RAB10: variants seen among roughly 807,000 people sequenced by gnomAD.
The protein encoded by RAB10 is ras-related protein Rab-10.
Under a neutral mutation model 25.7 loss-of-function variants are expected in RAB10, and 5 were observed. The ratio of observed to expected loss-of-function variants is 0.19; its 90% confidence interval spans 0.10 to 0.41. The LOEUF (loss-of-function observed/expected upper bound fraction) is 0.41, where lower values mean the gene tolerates loss of function less well. Among genes scored for constraint, RAB10 ranks in the 10% least tolerant of loss-of-function variants. RAB10 has a pLI of 1.00. For synonymous variants in RAB10, 89 were observed against 86.4 expected (o/e 1.03, Z -0.16); for missense variants, 103 against 245.8 (o/e 0.42, Z 3.89).
chr2:26,095,449 T>C (rs1308663699), intron 1 of RAB10, among the ~76,000 whole-genome samples: 1 of 151,862 alleles, frequency 6.6e-6, no homozygotes, highest in Non-Finnish European at 1.5e-5. Flanking sequence ...CTACTAAAAA[T>C]ACAAAAAATT....
intron 1 of RAB10, among the ~76,000 whole-genome samples, chr2:26,041,053 A>G (rs56252472): frequency 0.025 from 3,773 of 150,524 alleles, 70 homozygotes; most frequent in Middle Eastern, 0.055. Context: ...TTTTTTTCTC[A>G]TGTGTGCTAA....
intron 5 of RAB10, among the ~76,000 whole-genome samples, chr2:26,128,699 A>G (rs1254136077): frequency 6.6e-6 from 1 of 152,210 alleles, no homozygotes; most frequent in East Asian, 1.9e-4. Flanking sequence ...AAGGGCGTGT[A>G]CATATTCTGT....
chr2:26,069,753 T>G (rs113651437), intron 1 of RAB10, among the ~76,000 whole-genome samples: 322 of 151,072 alleles, frequency 2.1e-3, no homozygotes, highest in African/African-American at 7.6e-3. Context: ...TTGCCCCGGC[T>G]GGAGAGCAGT....
At chr2:26,066,653 A>G (rs1004496775) in intron 1 of RAB10, among the ~76,000 whole-genome samples, 4 of 152,084 alleles carry the variant, frequency 2.6e-5, no homozygotes, top group Admixed American at 1.3e-4. Flanking sequence ...TGAGAACAGC[A>G]TGGAGGTAAC....
rs1264164625 is a variant in RAB10, at chr2:26,135,934, C to T, written c.*913C>T. On this transcript the variant is annotated 3_prime_UTR_variant, in exon 6 of 6. Transcript: ENST00000264710. ...TAAACGGAAAGATAAGTTCTAACTG[C>T]CTACTATCCAATGTCAGTTAATTGG... 1 of 152,620 alleles carries T rather than the reference C, an allele frequency of 6.6e-6. No individual in the cohort carries two copies. The highest frequency in any genetic ancestry group is 1.5e-5 in the Non-Finnish European group (1 of 68,050). 9.5% of individuals were successfully genotyped at this position (152,620 alleles called of 1,614,324 possible).
intron 3 of RAB10, among the ~76,000 whole-genome samples, chr2:26,122,327 A>G (rs548201632): frequency 6.6e-6 from 1 of 152,314 alleles, no homozygotes; most frequent in East Asian, 1.9e-4. Flanking sequence ...CAGGATTGCT[A>G]TAAGAAAGGC....
At chr2:26,116,801 C>T (rs1667699155) in intron 3 of RAB10, among the ~76,000 whole-genome samples, 1 of 151,774 alleles carries the variant, frequency 6.6e-6, no homozygotes, top group South Asian at 2.1e-4. Flanking sequence ...CATGATCTGC[C>T]CACCTCGGCC....
At chr2:26,070,673 T>C (rs938337793) in intron 1 of RAB10, among the ~76,000 whole-genome samples, 3 of 152,218 alleles carry the variant, frequency 2.0e-5, no homozygotes, top group African/African-American at 7.2e-5. Context: ...GAAAGCTTTG[T>C]AATTATAGAA....
intron 1 of RAB10, among the ~76,000 whole-genome samples, chr2:26,059,908 G>A (rs141143305): frequency 6.6e-6 from 1 of 152,268 alleles, no homozygotes; most frequent in African/African-American, 2.4e-5. Flanking sequence ...GCTTTGATGT[G>A]TTTTAAATTA....
intron 3 of RAB10, among the ~76,000 whole-genome samples, chr2:26,113,031 G>A (rs1288673422): frequency 6.6e-6 from 1 of 152,094 alleles, no homozygotes; most frequent in Non-Finnish European, 1.5e-5. Flanking sequence ...GTTGCAGTGA[G>A]CCAAGATTGC....
intron 3 of RAB10, among the ~76,000 whole-genome samples, chr2:26,120,870 A>G (rs1200632170): frequency 1.6e-4 from 24 of 151,286 alleles, no homozygotes; most frequent in Admixed American, 1.6e-3. Context: ...GATTATAGGC[A>G]TGAGCCACCG....
intron 1 of RAB10, among the ~76,000 whole-genome samples, chr2:26,080,789 C>T (rs1234283030): frequency 6.6e-6 from 1 of 152,022 alleles, no homozygotes; most frequent in Admixed American, 6.6e-5. Flanking sequence ...CGCTTGACTC[C>T]CAAGAAATTT....
chr2:26,088,356 G>T lies in RAB10; in HGVS notation c.128-10306G>T, dbSNP rs117709802. On this transcript the variant is annotated intron_variant, in intron 1 of 5. Coordinates refer to ENST00000264710, the MANE Select transcript of RAB10 (RefSeq NM_016131.5). ...CTCTTGAGCTGGGCCCTAGGAATCT[G>T]TAAAAAGTGAGAATTTCCTTTAGTG... Among the ~76,000 whole-genome samples the T allele has an allele frequency of 6.2e-4, 94 of 152,250 alleles. 1 individual carries two copies. In the East Asian group the frequency reaches 0.017, roughly 27 times the overall value.
chr2:26,054,662 G>T (rs559534682), intron 1 of RAB10, among the ~76,000 whole-genome samples: 1 of 152,164 alleles, frequency 6.6e-6, no homozygotes, highest in African/African-American at 2.4e-5. Flanking sequence ...AAACTTTTTC[G>T]TTATTTTGAA....
intron 5 of RAB10, among the ~76,000 whole-genome samples, chr2:26,129,497 T>C (rs1417746331): frequency 6.6e-6 from 1 of 152,206 alleles, no homozygotes; most frequent in Non-Finnish European, 1.5e-5. Context: ...AGACATTAGC[T>C]GTAGTAGAGG....
At chr2:26,090,589 A>G (rs1667080845) in intron 1 of RAB10, among the ~76,000 whole-genome samples, 1 of 149,176 alleles carries the variant, frequency 6.7e-6, no homozygotes, top group South Asian at 2.2e-4. Context: ...TTGCTTTTCT[A>G]ATTTATTATG....
At chr2:26,084,123 C>T (rs1347963329) in intron 1 of RAB10, among the ~76,000 whole-genome samples, 1 of 152,152 alleles carries the variant, frequency 6.6e-6, no homozygotes. Flanking sequence ...ATTTTCTCTG[C>T]CTGGAACACT....
chr2:26,055,026 CTTTTT>C (rs11286148), intron 1 of RAB10, among the ~76,000 whole-genome samples: 2 of 149,810 alleles, frequency 1.3e-5, no homozygotes, highest in Non-Finnish European at 3.0e-5. Context: ...TGAGCATAGT[CTTTTT>C]TTTTTACAAA....
intron 3 of RAB10, among the ~76,000 whole-genome samples, chr2:26,113,743 T>TAAAAAAAAAAAAAAAAAAAAAAAA (rs56063928): frequency 8.0e-6 from 1 of 125,616 alleles, no homozygotes; most frequent in African/African-American, 2.9e-5. Flanking sequence ...CAGCCAGAGC[T>TAAAAAAAAAAAAAAAAAAAAAAAA]AAAAAAAAAA....
Sources: allele counts gnomAD v4.1 joint callset (sites outside exome capture counted in the v4.1 genomes callset), GRCh38; gene constraint gnomAD v4.1.1; transcripts MANE v1.5; gene names NCBI Gene and HGNC (gene_info 2026-07-23, HGNC 2026-07-21).